Variants in SETD3 observed in about 807,000 individuals in gnomAD.
SETD3 encodes actin-histidine N-methyltransferase.
In SETD3, 19 loss-of-function variants were observed where a neutral mutation model predicts 63.0. That is an observed-to-expected ratio of 0.30 (90% CI 0.21 to 0.44). The LOEUF (loss-of-function observed/expected upper bound fraction) is 0.44, where lower values mean the gene tolerates loss of function less well. Among genes scored for constraint, SETD3 ranks in the 20% least tolerant of loss-of-function variants. The probability of loss-of-function intolerance (pLI) is 1.00; values close to 1 mark genes in which losing one functional copy is unlikely to be tolerated. For synonymous variants in SETD3, 286 were observed against 264.1 expected, an observed-to-expected ratio of 1.08 and a Z score of -0.80; for missense variants, 587 against 728.5, an observed-to-expected ratio of 0.81 and a Z score of 2.24.
intron 6 of SETD3, among the ~76,000 whole-genome samples, chr14:99,427,401 A>T (rs1892941021): frequency 6.6e-6 from 1 of 152,244 alleles, no homozygotes; most frequent in Non-Finnish European, 1.5e-5. Flanking sequence ...TGTAATATTT[A>T]CTGTGCTACT....
Position 99,458,532 on chromosome 14 carries a change from G to A in SETD3, c.422C>T (p.Pro141Leu), listed in dbSNP as rs1894890042. The A allele has an allele frequency of 1.9e-6, 3 of 1,612,914 alleles. No homozygotes were observed. The highest frequency in any genetic ancestry group is 1.7e-6 in the Non-Finnish European group (2 of 1,179,414). The change falls in exon 6 of 13, where the codon CCC becomes CTC. Residue 141 changes from proline to leucine, a missense_variant. Physicochemically the swap from Pro to Leu is moderately conservative, Grantham distance 98. Coordinates refer to ENST00000331768, the MANE Select transcript of SETD3 (RefSeq NM_032233.3). ...AAGGATTCGGTCTTGAGAATATAAG[G>A]GCCCTGAATTAACCCAGAAGTTAAC... ...VESAKNSVLG[P>L]LYSQDRILQA...
chr14:99,452,309 G>A (rs918978407), intron 6 of SETD3, among the ~76,000 whole-genome samples: 1 of 152,218 alleles, frequency 6.6e-6, no homozygotes, highest in Non-Finnish European at 1.5e-5. Context: ...GTTTCACCAT[G>A]TTGGCCAGGC....
At chr14:99,441,519 G>A (rs1374360503) in intron 6 of SETD3, among the ~76,000 whole-genome samples, 1 of 152,244 alleles carries the variant, frequency 6.6e-6, no homozygotes. Context: ...CACAGGCAGC[G>A]ACACATCTGC....
upstream of SETD3, among the ~76,000 whole-genome samples, chr14:99,483,216 A>G (rs976953353): frequency 2.6e-5 from 4 of 152,076 alleles, no homozygotes; most frequent in Admixed American, 2.0e-4. Flanking sequence ...TTGGGAAAGG[A>G]GAGCTGATTC....
intron 11 of SETD3, among the ~76,000 whole-genome samples, chr14:99,403,844 A>G (rs1277114230): frequency 6.6e-6 from 1 of 152,216 alleles, no homozygotes; most frequent in African/African-American, 2.4e-5. Flanking sequence ...TGACTACACA[A>G]CATCACAGCA....
At chr14:99,420,548 C>CTCCA (rs1210684248) in intron 6 of SETD3, among the ~76,000 whole-genome samples, 1 of 152,126 alleles carries the variant, frequency 6.6e-6, no homozygotes, top group Non-Finnish European at 1.5e-5. Context: ...CTTCAGAAAG[C>CTCCA]TCCAGCCCAT....
At chr14:99,403,260 A>C (rs1052619739) in intron 11 of SETD3, among the ~76,000 whole-genome samples, 19 of 152,182 alleles carry the variant, frequency 1.2e-4, no homozygotes, top group African/African-American at 3.4e-4. Context: ...ACCGCCGAGC[A>C]CAGCAGCTTC....
intron 9 of SETD3, 127 bp downstream of exon 9, chr14:99,406,389 A>G: frequency 1.2e-6 from 1 of 814,876 alleles, no homozygotes; most frequent in Non-Finnish European, 2.0e-6. Context: ...TGTTCCAGAA[A>G]AACAATCCTC....
chr14:99,434,846 TCAAAAAAAAAAAAA>T (rs1218484401), intron 6 of SETD3, among the ~76,000 whole-genome samples: 1 of 18,900 alleles, frequency 5.3e-5, no homozygotes, highest in African/African-American at 3.0e-4. Flanking sequence ...AAACTCTGCC[TCAAAAAAAAAAAAA>T]AAAAAAAAAA....
chr14:99,472,390 A>G (rs1413176114), intron 1 of SETD3, among the ~76,000 whole-genome samples: 2 of 152,192 alleles, frequency 1.3e-5, no homozygotes, highest in East Asian at 1.9e-4. Context: ...ATGCCATGTA[A>G]GTTCCCCAAC....
chr14:99,483,127 C>A (rs556382452), upstream of SETD3, among the ~76,000 whole-genome samples: 1 of 152,094 alleles, frequency 6.6e-6, no homozygotes, highest in South Asian at 2.1e-4. Context: ...TAGAACCATT[C>A]GATGGCTCTT....
intron 6 of SETD3, among the ~76,000 whole-genome samples, chr14:99,449,174 G>C (rs2139745936): frequency 6.6e-6 from 1 of 152,316 alleles, no homozygotes; most frequent in South Asian, 2.1e-4. Flanking sequence ...AATGCATGTA[G>C]AAGAAATAAC....
intron 6 of SETD3, among the ~76,000 whole-genome samples, chr14:99,429,922 T>C (rs1274761072): frequency 6.6e-6 from 1 of 152,206 alleles, no homozygotes; most frequent in African/African-American, 2.4e-5. Context: ...TTGAAACAGA[T>C]GAAAACTGTG....
chr14:99,468,334 T>A (rs1895509663), intron 1 of SETD3, among the ~76,000 whole-genome samples: 3 of 152,052 alleles, frequency 2.0e-5, no homozygotes. Context: ...AACACTAGTC[T>A]CGTACATCTC....
At chr14:99,461,907 C>T (rs1267202156) in intron 3 of SETD3, among the ~76,000 whole-genome samples, 1 of 152,180 alleles carries the variant, frequency 6.6e-6, no homozygotes, top group African/African-American at 2.4e-5. Flanking sequence ...AAATGTACCA[C>T]AGTGGCTTTT....
upstream of SETD3, chr14:99,481,519 C>T (rs3918034): frequency 9.9e-3 from 3,938 of 398,646 alleles, 119 homozygotes; most frequent in African/African-American, 0.069. Context: ...CGCCCACCTC[C>T]CGCGTATCTG....
chr14:99,485,066 G>A (rs889257026), upstream of SETD3, among the ~76,000 whole-genome samples: 8 of 152,192 alleles, frequency 5.3e-5, no homozygotes, highest in Non-Finnish European at 8.8e-5. Context: ...TAGGGAACAG[G>A]TTTATAGACC....
At chr14:99,476,500 T>C (rs1895978928) in intron 1 of SETD3, among the ~76,000 whole-genome samples, 1 of 152,224 alleles carries the variant, frequency 6.6e-6, no homozygotes, top group African/African-American at 2.4e-5. Flanking sequence ...ATATCTGCAA[T>C]GCCACATTTT....
intron 2 of SETD3, among the ~76,000 whole-genome samples, chr14:99,465,132 T>C (rs1895293965): frequency 1.3e-5 from 2 of 152,070 alleles, no homozygotes; most frequent in South Asian, 2.1e-4. Context: ...CGGGACCCTG[T>C]TTAAAAAAGA....
Sources: gnomAD v4.1 joint callset for allele counts (sites outside exome capture counted in the v4.1 genomes callset) on GRCh38, gnomAD v4.1.1 for gene constraint, MANE v1.5 for transcripts, NCBI Gene and HGNC (gene_info 2026-07-23, HGNC 2026-07-21) for gene names.